Variants in LUZP2 observed in about 807,000 individuals in gnomAD.
LUZP2 encodes leucine zipper protein 2.
Under a neutral mutation model 51.6 loss-of-function variants are expected in LUZP2, and 52 were observed. That is an observed-to-expected ratio of 1.01 (90% CI 0.81 to 1.27). The LOEUF (loss-of-function observed/expected upper bound fraction) is 1.27. Ranked by LOEUF, LUZP2 falls within the 50% of genes most tolerant of loss-of-function variation. LUZP2 has a pLI of 0.00. For missense variants in LUZP2, 436 were observed against 395.4 expected, an observed-to-expected ratio of 1.10 and a Z score of -0.87; for synonymous variants, 154 against 137.3, an observed-to-expected ratio of 1.12 and a Z score of -0.85.
intron 1 of LUZP2, among the ~76,000 whole-genome samples, chr11:24,581,537 G>A (rs893191641): frequency 2.0e-5 from 3 of 151,786 alleles, no homozygotes; most frequent in African/African-American, 7.3e-5. Flanking sequence ...CAGGTGTGGT[G>A]GCGCTCTCTT....
At chr11:24,562,475 AAAAAG>A (rs1852075997) in intron 1 of LUZP2, among the ~76,000 whole-genome samples, 1 of 151,558 alleles carries the variant, frequency 6.6e-6, no homozygotes, top group African/African-American at 2.4e-5. Context: ...CTAAGGAAAA[AAAAAG>A]AAAAGAAACC....
chr11:24,903,415 T>A (rs1853339370), intron 5 of LUZP2, among the ~76,000 whole-genome samples: 1 of 152,186 alleles, frequency 6.6e-6, no homozygotes, highest in Non-Finnish European at 1.5e-5. Flanking sequence ...CAAGTATTCT[T>A]TCAGACTGGG....
chr11:24,574,488 G>T (rs12293149), intron 1 of LUZP2, among the ~76,000 whole-genome samples: 57,106 of 151,018 alleles, frequency 0.38, 11,070 homozygotes, highest in Middle Eastern at 0.51. Context: ...CAAACACTTT[G>T]CTATCCAGGA....
At chr11:24,515,009 GA>G (rs1314980801) in intron 1 of LUZP2, among the ~76,000 whole-genome samples, 1 of 152,166 alleles carries the variant, frequency 6.6e-6, no homozygotes, top group Non-Finnish European at 1.5e-5. Context: ...CGTTGTCATT[GA>G]AACCTCTGCT....
chr11:24,793,036 A>G (rs1308755539), intron 5 of LUZP2, among the ~76,000 whole-genome samples: 2 of 152,136 alleles, frequency 1.3e-5, no homozygotes, highest in East Asian at 3.9e-4. Flanking sequence ...TTAGATCTGC[A>G]TTTTAATTTT....
At chr11:24,619,047 T>A (rs1378621383) in intron 1 of LUZP2, among the ~76,000 whole-genome samples, 1 of 150,554 alleles carries the variant, frequency 6.6e-6, no homozygotes, top group East Asian at 1.9e-4. Context: ...TTTATTTATT[T>A]GAGATAGGTC....
intron 7 of LUZP2, among the ~76,000 whole-genome samples, chr11:24,935,822 G>T (rs1854571142): frequency 6.6e-6 from 1 of 151,978 alleles, no homozygotes; most frequent in Non-Finnish European, 1.5e-5. Context: ...TGGTAAAATG[G>T]TTACCAAGTT....
At chr11:24,596,167 C>A (rs1853439176) in intron 1 of LUZP2, among the ~76,000 whole-genome samples, 1 of 152,158 alleles carries the variant, frequency 6.6e-6, no homozygotes, top group Non-Finnish European at 1.5e-5. Context: ...CCCAAGGCAC[C>A]AGCTTTATAT....
intron 5 of LUZP2, among the ~76,000 whole-genome samples, chr11:24,789,913 A>G (rs1849362967): frequency 6.6e-6 from 1 of 152,196 alleles, no homozygotes; most frequent in Non-Finnish European, 1.5e-5. Context: ...GAATTTCAAC[A>G]TATAAATTTA....
chr11:24,974,450 T>C (rs1270330710), intron 7 of LUZP2, among the ~76,000 whole-genome samples: 1 of 152,022 alleles, frequency 6.6e-6, no homozygotes, highest in Non-Finnish European at 1.5e-5. Flanking sequence ...ATTAATATTA[T>C]TATATGTGAA....
At chr11:24,951,062 G>T (rs1271147594) in intron 7 of LUZP2, among the ~76,000 whole-genome samples, 1 of 151,360 alleles carries the variant, frequency 6.6e-6, no homozygotes, top group Non-Finnish European at 1.5e-5. Context: ...TCTCATTTTA[G>T]TTTACTCTCA....
intron 1 of LUZP2, among the ~76,000 whole-genome samples, chr11:24,566,496 T>C (rs1466687193): frequency 6.7e-6 from 1 of 148,582 alleles, no homozygotes; most frequent in African/African-American, 2.5e-5. Flanking sequence ...GCCCAGATAA[T>C]TTAATTTGTG....
chr11:24,813,406 C>T (rs561219323), intron 5 of LUZP2, among the ~76,000 whole-genome samples: 4 of 152,292 alleles, frequency 2.6e-5, no homozygotes, highest in Admixed American at 1.3e-4. Context: ...ATGACATCTA[C>T]TTCTGCGGAG....
At chr11:24,960,958 G>A (rs1289363977) in intron 7 of LUZP2, among the ~76,000 whole-genome samples, 6 of 151,854 alleles carry the variant, frequency 4.0e-5, no homozygotes, top group Non-Finnish European at 7.4e-5. Flanking sequence ...CTTTGTTCTC[G>A]TTGGTTTCAA....
At chr11:24,810,297 G>T (rs746411700) in intron 5 of LUZP2, among the ~76,000 whole-genome samples, 1 of 151,976 alleles carries the variant, frequency 6.6e-6, no homozygotes, top group Non-Finnish European at 1.5e-5. Context: ...GTCATATTTA[G>T]CATATAAGTT....
intron 5 of LUZP2, among the ~76,000 whole-genome samples, chr11:24,777,599 T>A (rs1411223459): frequency 4.6e-5 from 7 of 152,180 alleles, no homozygotes; most frequent in Non-Finnish European, 1.0e-4. Flanking sequence ...TTTGTACTAA[T>A]CTCAAGTATA....
At chr11:24,577,380 C>T (rs1003477255) in intron 1 of LUZP2, among the ~76,000 whole-genome samples, 1 of 151,968 alleles carries the variant, frequency 6.6e-6, no homozygotes, top group Non-Finnish European at 1.5e-5. Flanking sequence ...CGGAATCAGA[C>T]CAATTTCTAG....
chr11:24,613,257 A>G (rs890509736), intron 1 of LUZP2, among the ~76,000 whole-genome samples: 5 of 152,110 alleles, frequency 3.3e-5, no homozygotes, highest in Non-Finnish European at 7.4e-5. Context: ...ATATTTGACC[A>G]GGAAATGATG....
At chr11:24,866,234 A>G (rs1851893180) in intron 5 of LUZP2, among the ~76,000 whole-genome samples, 1 of 151,984 alleles carries the variant, frequency 6.6e-6, no homozygotes. Context: ...ACTTATCTCC[A>G]CTAATATCTT....
Sources: gnomAD v4.1 joint callset for allele counts (sites outside exome capture counted in the v4.1 genomes callset) on GRCh38, gnomAD v4.1.1 for gene constraint, MANE v1.5 for transcripts, NCBI Gene and HGNC (gene_info 2026-07-23, HGNC 2026-07-21) for gene names.